Variants in IRF2 observed in about 807,000 individuals in gnomAD.
The protein encoded by IRF2 is interferon regulatory factor 2.
IRF2 carries 15 observed loss-of-function variants against 40.6 expected under a neutral mutation model. That is an observed-to-expected ratio of 0.37 (90% CI 0.25 to 0.57). The LOEUF (loss-of-function observed/expected upper bound fraction) is 0.57. IRF2 is among the 20% of genes least tolerant of loss of function. The pLI is 0.77. For synonymous variants in IRF2, 151 were observed against 165.5 expected (o/e 0.91, Z 0.67); for missense variants, 317 against 455.7 (o/e 0.70, Z 2.77).
chr4:184,392,414 C>T (rs1345094517), intron 7 of IRF2, among the ~76,000 whole-genome samples: 1 of 152,228 alleles, frequency 6.6e-6, no homozygotes, highest in Non-Finnish European at 1.5e-5. Context: ...AAGAAGCAAA[C>T]ATTTAGGGAG....
At chr4:184,440,563 A>G (rs548296059) in intron 1 of IRF2, among the ~76,000 whole-genome samples, 1 of 152,346 alleles carries the variant, frequency 6.6e-6, no homozygotes, top group South Asian at 2.1e-4. Flanking sequence ...CATTTGTGAG[A>G]GGCTGGAGAA....
At chr4:184,471,403 G>A (rs1404768293) in intron 1 of IRF2, among the ~76,000 whole-genome samples, 1 of 152,148 alleles carries the variant, frequency 6.6e-6, no homozygotes, top group Non-Finnish European at 1.5e-5. Flanking sequence ...CACTGTGTCT[G>A]GCTTATAATA....
At position 184,448,213 on chromosome 4, in the gene IRF2, G is replaced by A. The variant is rs530781597; in HGVS notation, c.-6-19143C>T. Among the ~76,000 whole-genome samples the A allele has an allele frequency of 6.6e-6, 1 of 152,298 alleles. No individual in the cohort carries two copies. The highest frequency in any genetic ancestry group is 2.1e-4 in the South Asian group (1 of 4,826). On this transcript the variant is annotated intron_variant, in intron 1 of 8. Coordinates refer to ENST00000393593, the MANE Select transcript of IRF2 (RefSeq NM_002199.4). This position sits in a 1 kb window ranked among gnomAD's most constrained non-coding sequence, Gnocchi z 4.3. Reference sequence around the variant, plus strand: ...TTTCCAGTACAGAGGGAAAGACGACGACAGCCTTTCTGCAAATACAACAAA... The same window carrying A: ...TTTCCAGTACAGAGGGAAAGACGACAACAGCCTTTCTGCAAATACAACAAA...
intron 2 of IRF2, among the ~76,000 whole-genome samples, chr4:184,424,218 A>G (rs1372703394): frequency 6.6e-6 from 1 of 152,246 alleles, no homozygotes; most frequent in East Asian, 1.9e-4. Context: ...AAATTGCCCC[A>G]GCCAAGGTCT....
intron 1 of IRF2, among the ~76,000 whole-genome samples, chr4:184,454,654 C>T (rs1738845840): frequency 6.6e-6 from 1 of 152,146 alleles, no homozygotes; most frequent in Non-Finnish European, 1.5e-5. Flanking sequence ...CCTCCCAGGA[C>T]CACAATGATT....
chr4:184,472,135 C>A (rs1456850769), intron 1 of IRF2: 1 of 152,206 alleles, frequency 6.6e-6, no homozygotes, highest in Non-Finnish European at 1.5e-5. Flanking sequence ...CAGTTCAAGT[C>A]TTAAATATTT....
intron 1 of IRF2, among the ~76,000 whole-genome samples, chr4:184,456,945 C>A (rs1468241312): frequency 6.6e-6 from 1 of 152,172 alleles, no homozygotes; most frequent in Non-Finnish European, 1.5e-5. Context: ...GTGAAGAGTC[C>A]GGCAAACATC....
intron 1 of IRF2, among the ~76,000 whole-genome samples, chr4:184,468,944 A>G (rs551506614): frequency 6.6e-6 from 1 of 152,322 alleles, no homozygotes; most frequent in South Asian, 2.1e-4. Flanking sequence ...AAACTTCCAA[A>G]GGAGGAAGTG....
intron 8 of IRF2, among the ~76,000 whole-genome samples, chr4:184,390,004 T>C (rs1019269042): frequency 3.9e-5 from 6 of 152,194 alleles, no homozygotes; most frequent in Non-Finnish European, 5.9e-5. Context: ...AGCGTGTACA[T>C]CTGTCTTTTC....
At chr4:184,421,073 T>G (rs1035587819) in intron 2 of IRF2, among the ~76,000 whole-genome samples, 1 of 152,200 alleles carries the variant, frequency 6.6e-6, no homozygotes, top group African/African-American at 2.4e-5. Context: ...TTGCTAGGTA[T>G]GCGGATCCCT....
At chr4:184,426,647 G>A (rs1737684579) in intron 2 of IRF2, among the ~76,000 whole-genome samples, 2 of 152,204 alleles carry the variant, frequency 1.3e-5, no homozygotes, top group South Asian at 4.1e-4. Context: ...GCACCAAGAA[G>A]GGACTAATGG....
intron 6 of IRF2, chr4:184,407,308 G>T: frequency 2.4e-6 from 3 of 1,226,394 alleles, no homozygotes; most frequent in Non-Finnish European, 3.2e-6. Context: ...AAATAAAAAG[G>T]AGTTTTTTCT....
chr4:184,420,176 C>CT (rs1228050875), intron 2 of IRF2, among the ~76,000 whole-genome samples: 1 of 152,064 alleles, frequency 6.6e-6, no homozygotes, highest in Admixed American at 6.6e-5. Flanking sequence ...CCCTGTGCCT[C>CT]TTTTTTTTAT....
At chr4:184,440,138 T>C (rs907439403) in intron 1 of IRF2, among the ~76,000 whole-genome samples, 1 of 152,242 alleles carries the variant, frequency 6.6e-6, no homozygotes, top group Middle Eastern at 3.2e-3. Context: ...TGACTTTCCC[T>C]GGCTCAGTAG....
chr4:184,436,201 T>C (rs1038299239), intron 1 of IRF2, among the ~76,000 whole-genome samples: 2 of 152,198 alleles, frequency 1.3e-5, no homozygotes, highest in African/African-American at 4.8e-5. Context: ...GATCTCAATC[T>C]CTTGACCTCG....
chr4:184,430,870 A>AT (rs1193896980), intron 1 of IRF2, among the ~76,000 whole-genome samples: 3 of 151,474 alleles, frequency 2.0e-5, no homozygotes, highest in Admixed American at 2.0e-4. Flanking sequence ...ATTTTTTTTT[A>AT]TTTTTTGTAG....
At chr4:184,462,755 T>C (rs1316557531) in intron 1 of IRF2, among the ~76,000 whole-genome samples, 2 of 152,226 alleles carry the variant, frequency 1.3e-5, no homozygotes, top group African/African-American at 2.4e-5. Flanking sequence ...GAACCCCTAA[T>C]ACAAAGTAAC....
chr4:184,391,610 T>A (rs1221115507), intron 7 of IRF2, among the ~76,000 whole-genome samples: 1 of 152,208 alleles, frequency 6.6e-6, no homozygotes, highest in Admixed American at 6.5e-5. Flanking sequence ...CCTTCCCCAG[T>A]TGAGCCTCAG....
Position 184,388,861 on chromosome 4 carries a change from G to A in IRF2, c.947C>T (p.Ser316Phe), listed in dbSNP as rs144326969. ...ACTGCTGCTGGATGCTGGGGTCATG[G>A]AGGAAGAAAGGGGGAGGTCTTGAAA... ...PPFQDLPLSS[S>F]MTPASSSSRP... The change falls in exon 9 of 9, where the codon TCC becomes TTC. Residue 316 changes from serine to phenylalanine, a missense_variant. By Grantham distance (155) the Ser-to-Phe change is radical. This residue lies in a region of IRF2 where 262 missense variants were observed against 334.0 expected (regional missense o/e 0.78). Coordinates refer to ENST00000393593, the MANE Select transcript of IRF2 (RefSeq NM_002199.4). The surrounding 1 kb of genome is among the most constrained non-coding windows in gnomAD (Gnocchi z 4.6). 1.0e-4 allele frequency: 166 copies of A among 1,613,980 alleles called. 1 individual carries two copies. The highest frequency in any genetic ancestry group is 3.3e-5 in the Admixed American group (2 of 59,994).
Sources: allele counts gnomAD v4.1 joint callset (sites outside exome capture counted in the v4.1 genomes callset), GRCh38; gene constraint gnomAD v4.1.1; regional missense constraint gnomAD v4.1.1; non-coding constraint Gnocchi (gnomAD v3.1); transcripts MANE v1.5; gene names NCBI Gene and HGNC (gene_info 2026-07-23, HGNC 2026-07-21).